The following NTM variants were observed in gnomAD, a reference collection of about 807,000 sequenced individuals.
NTM encodes the protein neurotrimin.
In NTM, 13 loss-of-function variants were observed where a neutral mutation model predicts 42.1. The observed-to-expected ratio is 0.31, with a 90% confidence interval of 0.20 to 0.49. The LOEUF (loss-of-function observed/expected upper bound fraction) is 0.49. Ranked by LOEUF, NTM falls within the 20% of genes least tolerant of loss-of-function variation. The probability of loss-of-function intolerance (pLI) is 0.99; values close to 1 mark genes in which losing one functional copy is unlikely to be tolerated. For missense variants in NTM, 373 were observed against 452.8 expected (o/e 0.82, Z 1.60); for synonymous variants, 187 against 179.2 (o/e 1.04, Z -0.35).
At chr11:131,796,226 G>A in intron 1 of NTM, 3 of 948,202 alleles carry the variant, frequency 3.2e-6, no homozygotes, top group Non-Finnish European at 3.8e-6. Context: ...ACCTGTACCT[G>A]TGGAAGAGGC....
intron 1 of NTM, among the ~76,000 whole-genome samples, chr11:131,625,752 A>G (rs1489546381): frequency 6.6e-6 from 1 of 152,164 alleles, no homozygotes; most frequent in Non-Finnish European, 1.5e-5. Context: ...TTAACCTCCA[A>G]CTTGATGCCA....
intron 1 of NTM, among the ~76,000 whole-genome samples, chr11:131,658,158 T>G (rs75576123): frequency 4.4e-4 from 67 of 152,322 alleles, no homozygotes; most frequent in Non-Finnish European, 8.2e-4. Context: ...GGCTAGGATC[T>G]TAGTTCCATT....
chr11:131,938,160 G>A (rs2059423190), intron 2 of NTM, among the ~76,000 whole-genome samples: 1 of 152,194 alleles, frequency 6.6e-6, no homozygotes, highest in African/African-American at 2.4e-5. Flanking sequence ...AGTGGGAAAA[G>A]CAGATGATAA....
At chr11:131,637,387 A>G (rs1489612526) in intron 1 of NTM, among the ~76,000 whole-genome samples, 2 of 151,892 alleles carry the variant, frequency 1.3e-5, no homozygotes, top group Non-Finnish European at 2.9e-5. Flanking sequence ...AGTGCTCTGC[A>G]TACAACCACA....
chr11:132,148,896 G>A (rs1005181204), intron 3 of NTM, among the ~76,000 whole-genome samples: 4 of 152,032 alleles, frequency 2.6e-5, no homozygotes, highest in South Asian at 2.1e-4. Context: ...CCCTTGCTAG[G>A]TGTTTACATC....
chr11:131,587,257 G>A (rs547484114), intron 1 of NTM, among the ~76,000 whole-genome samples: 2 of 152,236 alleles, frequency 1.3e-5, no homozygotes, highest in East Asian at 3.9e-4. Context: ...GACCATCCTG[G>A]ATAACGTGGT....
intron 1 of NTM, among the ~76,000 whole-genome samples, chr11:131,691,574 C>T (rs1446467956): frequency 1.3e-5 from 2 of 150,762 alleles, no homozygotes; most frequent in African/African-American, 2.5e-5. Context: ...CCCCGACTTC[C>T]CTTCCATGTC....
At chr11:132,304,391 GCA>G (rs1353451922) in intron 4 of NTM, among the ~76,000 whole-genome samples, 2 of 150,640 alleles carry the variant, frequency 1.3e-5, no homozygotes, top group Non-Finnish European at 2.9e-5. Context: ...ATATCCTTCA[GCA>G]CTTTAAAGAC....
At chr11:132,060,841 G>A (rs1188923475) in intron 2 of NTM, among the ~76,000 whole-genome samples, 1 of 152,108 alleles carries the variant, frequency 6.6e-6, no homozygotes, top group Non-Finnish European at 1.5e-5. Flanking sequence ...GTCTACAAAT[G>A]GTGTTAGTGG....
chr11:131,782,084 A>G lies in NTM; in HGVS notation c.83-129480A>G, dbSNP rs543176179. 1.7e-3 allele frequency among the ~76,000 whole-genome samples: 252 copies of G among 152,316 alleles called. 1 individual carries two copies. Among genetic ancestry groups the G allele is most frequent in the African/African-American group, 5.7e-3 (239 of 41,568 alleles). ...GTGGGACATTCAGTGAAGACAAAAG[A>G]AGGGTTATAATACAGGAAAACGTTT... On this transcript the variant is annotated intron_variant, in intron 1 of 8. Coordinates refer to ENST00000683400, the MANE Select transcript of NTM (RefSeq NM_001352005.2).
At chr11:131,583,967 C>A (rs1683047543) in intron 1 of NTM, among the ~76,000 whole-genome samples, 1 of 152,202 alleles carries the variant, frequency 6.6e-6, no homozygotes, top group South Asian at 2.1e-4. Context: ...ATGAAGCTCT[C>A]TCCTCCTGTC....
chr11:131,945,374 A>G (rs900553946), intron 2 of NTM, among the ~76,000 whole-genome samples: 2 of 152,150 alleles, frequency 1.3e-5, no homozygotes, highest in African/African-American at 4.8e-5. Flanking sequence ...GCCTTGCGTC[A>G]ACCTGGAACC....
chr11:132,254,068 C>T (rs2092252702), intron 4 of NTM, among the ~76,000 whole-genome samples: 1 of 152,190 alleles, frequency 6.6e-6, no homozygotes, highest in African/African-American at 2.4e-5. Context: ...AAAGCCTCCT[C>T]TCACCTGGTG....
chr11:132,020,739 T>A (rs2074211173), intron 2 of NTM, among the ~76,000 whole-genome samples: 1 of 152,284 alleles, frequency 6.6e-6, no homozygotes, highest in Non-Finnish European at 1.5e-5. Context: ...TTATTTCAGA[T>A]GTGAGGTCAC....
chr11:131,495,822 T>A (rs1383259360), intron 1 of NTM, among the ~76,000 whole-genome samples: 2 of 152,214 alleles, frequency 1.3e-5, no homozygotes, highest in African/African-American at 4.8e-5. Context: ...CAGCCAACCC[T>A]AACTGATTGC....
At chr11:131,757,501 G>T (rs2083493813) in intron 1 of NTM, among the ~76,000 whole-genome samples, 1 of 152,200 alleles carries the variant, frequency 6.6e-6, no homozygotes, top group African/African-American at 2.4e-5. Flanking sequence ...AGTGAAAGAA[G>T]ATTTGGGCAC....
intron 1 of NTM, among the ~76,000 whole-genome samples, chr11:131,844,497 C>A (rs1388983319): frequency 6.6e-6 from 1 of 152,162 alleles, no homozygotes; most frequent in Non-Finnish European, 1.5e-5. Context: ...TAGTACCACA[C>A]AACATTCTCT....
intron 1 of NTM, among the ~76,000 whole-genome samples, chr11:131,569,559 C>CA (rs2057246765): frequency 6.8e-6 from 1 of 146,860 alleles, no homozygotes; most frequent in Admixed American, 6.8e-5. Flanking sequence ...CTTAACTTTT[C>CA]TTTTTTTCTT....
At chr11:131,862,215 G>A (rs370316046) in intron 1 of NTM, among the ~76,000 whole-genome samples, 1 of 152,292 alleles carries the variant, frequency 6.6e-6, no homozygotes, top group East Asian at 1.9e-4. Context: ...GAGGGAACAT[G>A]TATTTCTGGG....
Sources: gnomAD v4.1 joint callset for allele counts (sites outside exome capture counted in the v4.1 genomes callset) on GRCh38, gnomAD v4.1.1 for gene constraint, MANE v1.5 for transcripts, NCBI Gene and HGNC (gene_info 2026-07-23, HGNC 2026-07-21) for gene names.